Variants in GALNT1 observed in about 807,000 individuals in gnomAD.
GALNT1 encodes the protein polypeptide N-acetylgalactosaminyltransferase 1.
A neutral mutation model predicts 65.7 loss-of-function variants in GALNT1; 17 were observed. That is an observed-to-expected ratio of 0.26 (90% CI 0.18 to 0.39). GALNT1 has a LOEUF of 0.39. GALNT1 is among the 10% of genes least tolerant of loss of function. The pLI is 1.00. For missense variants in GALNT1, 460 were observed against 672.8 expected, an observed-to-expected ratio of 0.68 and a Z score of 3.50; for synonymous variants, 210 against 219.7, an observed-to-expected ratio of 0.96 and a Z score of 0.39.
intron 11 of GALNT1, among the ~76,000 whole-genome samples, chr18:35,707,506 G>A (rs889377970): frequency 6.6e-6 from 1 of 152,164 alleles, no homozygotes; most frequent in African/African-American, 2.4e-5. Context: ...TCTGGAACAG[G>A]GTTCTCCACC....
intron 1 of GALNT1, among the ~76,000 whole-genome samples, chr18:35,610,859 T>G (rs1250981716): frequency 6.6e-6 from 1 of 152,214 alleles, no homozygotes; most frequent in African/African-American, 2.4e-5. Context: ...AGTGTCTGGC[T>G]TCTCATAGCT....
intron 1 of GALNT1, among the ~76,000 whole-genome samples, chr18:35,627,261 C>T (rs1273585898): frequency 3.3e-5 from 5 of 152,164 alleles, no homozygotes; most frequent in Non-Finnish European, 7.3e-5. Context: ...TAACGGAACA[C>T]ATTTTGTGCC....
chr18:35,625,985 T>A (rs938638689), intron 1 of GALNT1, among the ~76,000 whole-genome samples: 11 of 152,148 alleles, frequency 7.2e-5, no homozygotes, highest in Non-Finnish European at 1.6e-4. Context: ...TGTCTCCCAA[T>A]TAATTCTTCT....
At chr18:35,688,046 A>G (rs1010991801) in intron 6 of GALNT1, among the ~76,000 whole-genome samples, 1 of 152,128 alleles carries the variant, frequency 6.6e-6, no homozygotes, top group Non-Finnish European at 1.5e-5. Flanking sequence ...TGTTAGTGCA[A>G]TTCACTATCT....
chr18:35,629,399 T>G (rs1203502225), intron 1 of GALNT1, among the ~76,000 whole-genome samples: 1 of 151,824 alleles, frequency 6.6e-6, no homozygotes, highest in Non-Finnish European at 1.5e-5. Flanking sequence ...CAGAAGAGAG[T>G]GGGGGCCAAT....
chr18:35,595,329 G>T (rs2046492073), intron 1 of GALNT1, among the ~76,000 whole-genome samples: 1 of 152,162 alleles, frequency 6.6e-6, no homozygotes, highest in Admixed American at 6.5e-5. Flanking sequence ...GACCTGATTT[G>T]TTCTGATTTA....
chr18:35,647,780 C>T (rs922084960), intron 1 of GALNT1, among the ~76,000 whole-genome samples: 1 of 152,092 alleles, frequency 6.6e-6, no homozygotes, highest in Admixed American at 6.6e-5. Flanking sequence ...CTGAGATTCT[C>T]TCAAACTTTC....
chr18:35,671,411 G>T (rs567788324), intron 3 of GALNT1, among the ~76,000 whole-genome samples: 1 of 152,206 alleles, frequency 6.6e-6, no homozygotes, highest in Non-Finnish European at 1.5e-5. Context: ...AGAGATGGGG[G>T]TCTCACGCCA....
At chr18:35,617,821 C>G (rs1462637731) in intron 1 of GALNT1, among the ~76,000 whole-genome samples, 1 of 151,860 alleles carries the variant, frequency 6.6e-6, no homozygotes, top group East Asian at 1.9e-4. Flanking sequence ...TTTGTAGATT[C>G]AAAACTCAAA....
intron 2 of GALNT1, among the ~76,000 whole-genome samples, chr18:35,663,306 T>C (rs1303069656): frequency 6.6e-6 from 1 of 152,036 alleles, no homozygotes; most frequent in Non-Finnish European, 1.5e-5. Context: ...ATTACAGAGG[T>C]TGGACTCTAG....
At chr18:35,615,075 T>G (rs546062329) in intron 1 of GALNT1, among the ~76,000 whole-genome samples, 4 of 152,112 alleles carry the variant, frequency 2.6e-5, no homozygotes, top group Non-Finnish European at 5.9e-5. Context: ...CCCAGCAGGG[T>G]ATGGTTTTGT....
intron 5 of GALNT1, among the ~76,000 whole-genome samples, chr18:35,684,981 ATC>A (rs1438545471): frequency 3.9e-5 from 6 of 152,210 alleles, no homozygotes; most frequent in Non-Finnish European, 5.9e-5. Context: ...ATCCCACCAC[ATC>A]AGAGAAAACT....
intron 4 of GALNT1, among the ~76,000 whole-genome samples, chr18:35,681,537 CAT>C (rs2144598341): frequency 6.6e-6 from 1 of 151,858 alleles, no homozygotes; most frequent in South Asian, 2.1e-4. Flanking sequence ...CTTTCAAAGA[CAT>C]ATGGGACTTG....
rs2144572439 is a variant in GALNT1 at position 35,677,573 on chromosome 18, C to A, written c.315-18C>A. ...TCTTAACAGTCACTTTTTATAAAGG[C>A]ATTTGCTTTGTCTCTAGGTGTAAAA... On this transcript the variant is annotated intron_variant, in intron 3 of 11. Transcript: ENST00000269195. 1 of 1,590,308 alleles carries A rather than the reference C, an allele frequency of 6.3e-7. No individual in the cohort carries two copies. Among genetic ancestry groups the A allele is most frequent in the South Asian group, 1.1e-5 (1 of 87,812 alleles).
rs111608565 is a variant in GALNT1, at chr18:35,640,157, A to G, written c.-103-14403A>G. Among the ~76,000 whole-genome samples, 974 of 152,318 alleles carry G rather than the reference A, an allele frequency of 6.4e-3. 19 individuals carry two copies. The highest frequency in any genetic ancestry group is 0.022 in the African/African-American group (924 of 41,566). ...ATTATTTTAAGTAATTAAATGATCA[A>G]TCATAGCTACTACATTCTTTTTTTG... On this transcript the variant is annotated intron_variant, in intron 1 of 11. Transcript: ENST00000269195.
At chr18:35,628,159 A>G (rs913744002) in intron 1 of GALNT1, among the ~76,000 whole-genome samples, 12 of 152,324 alleles carry the variant, frequency 7.9e-5, no homozygotes, top group Admixed American at 3.3e-4. Context: ...TAGCCGAACA[A>G]AAGGCAGCAG....
Position 35,692,168 on chromosome 18 carries a change from T to C in GALNT1, c.1160-13T>C. The C allele has an allele frequency of 6.2e-7, 1 of 1,600,028 alleles. No individual in the cohort carries two copies. The highest frequency in any genetic ancestry group is 8.5e-7 in the Non-Finnish European group (1 of 1,172,868). On this transcript the variant is annotated splice_polypyrimidine_tract_variant and intron_variant, in intron 8 of 11. Transcript: ENST00000269195. ...AACACTAATAATTCAGAGTCAATTA[T>C]TTCTTTCAACAGGTGTTACAAAGGT... is the stretch of plus-strand genomic sequence containing the variant.
chr18:35,663,579 A>G (rs1244341625), intron 2 of GALNT1, 49 bp from the exon 3 acceptor site: 2 of 1,530,214 alleles, frequency 1.3e-6, no homozygotes, highest in Non-Finnish European at 1.8e-6. Context: ...ATCATGAATC[A>G]ATCAATTGCT....
At chr18:35,677,802 C>T in intron 4 of GALNT1, 45 bp downstream of exon 4, 1 of 1,423,738 alleles carries the variant, frequency 7.0e-7, no homozygotes, top group Non-Finnish European at 9.7e-7. Context: ...CACCTTTTGT[C>T]ACTAACGGTT....
Sources: gnomAD v4.1 joint callset for allele counts (sites outside exome capture counted in the v4.1 genomes callset) on GRCh38, gnomAD v4.1.1 for gene constraint, MANE v1.5 for transcripts, NCBI Gene and HGNC (gene_info 2026-07-23, HGNC 2026-07-21) for gene names.